SREBF2: variants seen among roughly 807,000 people sequenced by gnomAD.
SREBF2 encodes sterol regulatory element binding transcription factor 2, also known as sterol regulatory element-binding protein 2.
Under a neutral mutation model 113.1 loss-of-function variants are expected in SREBF2, and 55 were observed. The ratio of observed to expected loss-of-function variants is 0.49; its 90% CI spans 0.39 to 0.61. The LOEUF (loss-of-function observed/expected upper bound fraction) is 0.61. Ranked by LOEUF, SREBF2 falls within the 20% of genes least tolerant of loss-of-function variation. SREBF2 has a pLI of 0.00. For synonymous variants in SREBF2, 593 were observed against 605.7 expected (o/e 0.98, Z 0.31); for missense variants, 1,349 against 1,487.4 (o/e 0.91, Z 1.53).
intron 11 of SREBF2, among the ~76,000 whole-genome samples, chr22:41,890,389 T>C (rs1477794579): frequency 6.6e-6 from 1 of 152,212 alleles, no homozygotes; most frequent in Non-Finnish European, 1.5e-5. Flanking sequence ...TCCTCGAAAG[T>C]TTAAAATAGC....
chr22:41,892,518 C>G (rs1325693868), intron 11 of SREBF2, among the ~76,000 whole-genome samples: 3 of 151,588 alleles, frequency 2.0e-5, no homozygotes, highest in Non-Finnish European at 4.4e-5. Flanking sequence ...CATGGTGGCG[C>G]GCGCCTGTAG....
intron 1 of SREBF2, among the ~76,000 whole-genome samples, chr22:41,865,768 G>C (rs1272433925): frequency 1.3e-5 from 2 of 152,172 alleles, no homozygotes; most frequent in African/African-American, 4.8e-5. Context: ...CTGTGTCCTG[G>C]CCTGGCAACA....
intron 1 of SREBF2, among the ~76,000 whole-genome samples, chr22:41,866,617 C>T (rs2077078508): frequency 6.6e-6 from 1 of 152,150 alleles, no homozygotes; most frequent in African/African-American, 2.4e-5. Context: ...GGGAAAAGAA[C>T]ATCAAACAGA....
intron 11 of SREBF2, among the ~76,000 whole-genome samples, chr22:41,888,087 C>T (rs1183652499): frequency 6.6e-6 from 1 of 152,220 alleles, no homozygotes; most frequent in African/African-American, 2.4e-5. Flanking sequence ...CACTCTGGGG[C>T]TTGCCTGTTC....
intron 1 of SREBF2, among the ~76,000 whole-genome samples, chr22:41,837,933 C>CT (rs1214423808): frequency 1.3e-5 from 2 of 151,398 alleles, no homozygotes; most frequent in Admixed American, 1.3e-4. Context: ...AAAAAAAGTA[C>CT]TATAGGCACC....
intron 7 of SREBF2, among the ~76,000 whole-genome samples, chr22:41,876,855 C>T (rs1169282533): frequency 1.3e-5 from 2 of 152,236 alleles, no homozygotes; most frequent in Non-Finnish European, 2.9e-5. Context: ...CCACACCCCT[C>T]TCCAGCCTCA....
intron 1 of SREBF2, among the ~76,000 whole-genome samples, chr22:41,843,053 T>G (rs567212768): frequency 6.6e-6 from 1 of 152,238 alleles, no homozygotes; most frequent in South Asian, 2.1e-4. Flanking sequence ...GTAAGTATAC[T>G]CTGTGATGTT....
At chr22:41,883,445 C>T (rs140085315) in intron 10 of SREBF2, among the ~76,000 whole-genome samples, 9 of 152,222 alleles carry the variant, frequency 5.9e-5, no homozygotes, top group Non-Finnish European at 8.8e-5. Flanking sequence ...AAATTTGCCC[C>T]GCTGTTATCT....
At chr22:41,863,372 C>T (rs538035345) in intron 1 of SREBF2, among the ~76,000 whole-genome samples, 2 of 152,334 alleles carry the variant, frequency 1.3e-5, no homozygotes, top group South Asian at 2.1e-4. Context: ...TGGAAACTGT[C>T]GGCCAGTGTG....
intron 5 of SREBF2, among the ~76,000 whole-genome samples, chr22:41,874,704 A>C (rs2077177462): frequency 6.6e-6 from 1 of 152,120 alleles, no homozygotes; most frequent in Non-Finnish European, 1.5e-5. Flanking sequence ...CCAGGAGTTC[A>C]AGACCAGCCT....
Position 41,858,410 on chromosome 22 carries a change from A to G in SREBF2, c.89-8421A>G, listed in dbSNP as rs139030182. Among the ~76,000 whole-genome samples the G allele has an allele frequency of 3.8e-3, 585 of 152,316 alleles. 2 individuals carry two copies. Among genetic ancestry groups the G allele is most frequent in the Non-Finnish European group, 5.6e-3 (381 of 68,030 alleles). ...AAAATGGTGTATAGTCAGTTCTGCT[A>G]TAGTTCATCATGTGCATTTCTAAAA... On this transcript the variant is annotated intron_variant, in intron 1 of 18. Coordinates refer to ENST00000361204, the MANE Select transcript of SREBF2 (RefSeq NM_004599.4).
intron 3 of SREBF2, among the ~76,000 whole-genome samples, chr22:41,869,671 G>T (rs1057457015): frequency 8.0e-5 from 12 of 149,870 alleles, no homozygotes; most frequent in Middle Eastern, 3.6e-3. Flanking sequence ...TTTTAGTAGA[G>T]ATGGGGTTTC....
Position 41,861,584 on chromosome 22 carries a change from A to C in SREBF2, c.89-5247A>C, listed in dbSNP as rs1196180234. On this transcript the variant is annotated intron_variant, in intron 1 of 18. Transcript: ENST00000361204. ...TGTTCTTTTCATTTATATGCTTTCT[A>C]AATTTTTCTTTAGTGAATATATTAC... 1.3e-5 allele frequency among the ~76,000 whole-genome samples: 2 copies of C among 152,124 alleles called. 1 individual carries two copies. Among genetic ancestry groups the C allele is most frequent in the African/African-American group, 4.8e-5 (2 of 41,518 alleles).
chr22:41,902,036 G>A (rs1033565650), intron 16 of SREBF2, among the ~76,000 whole-genome samples: 16 of 152,216 alleles, frequency 1.1e-4, no homozygotes, highest in African/African-American at 3.9e-4. Context: ...TCCCCTTGAA[G>A]CACACAACAG....
intron 1 of SREBF2, among the ~76,000 whole-genome samples, chr22:41,852,589 A>C (rs2076941464): frequency 6.6e-6 from 1 of 152,054 alleles, no homozygotes; most frequent in Non-Finnish European, 1.5e-5. Context: ...CCTGTTTCCC[A>C]GTTTTGGTCA....
rs992598912 is a variant in SREBF2, at chr22:41,891,518, A to G, written c.2209-1599A>G. 78 of 152,098 alleles carry G rather than the reference A, an allele frequency of 5.1e-4. 1 individual carries two copies. Among genetic ancestry groups the G allele is most frequent in the Admixed American group, 5.0e-3 (77 of 15,264 alleles). The allele number at this position is 152,098 out of a possible 1,614,324, so 9.4% of individuals were successfully genotyped here. ...GTCTCCAGGTTCCCCCTGGAGAGAG[A>G]TAGTCTTCTCTGTCTGTGTCCTCGA... On this transcript the variant is annotated intron_variant, in intron 11 of 18. Transcript: ENST00000361204.
chr22:41,848,904 C>A (rs929679198), intron 1 of SREBF2, among the ~76,000 whole-genome samples: 5 of 151,818 alleles, frequency 3.3e-5, no homozygotes, highest in Non-Finnish European at 7.4e-5. Context: ...GAAATGGCTA[C>A]CTCACAGGGT....
intron 1 of SREBF2, among the ~76,000 whole-genome samples, chr22:41,849,380 G>A (rs2076906375): frequency 6.6e-6 from 1 of 152,018 alleles, no homozygotes; most frequent in South Asian, 2.1e-4. Flanking sequence ...TTAGAGAAAT[G>A]GGGTTTCACC....
At chr22:41,884,808 C>A (rs1245194085) in intron 10 of SREBF2, 34 bp from the exon 11 acceptor site, 5 of 1,613,758 alleles carry the variant, frequency 3.1e-6, no homozygotes, top group Non-Finnish European at 4.2e-6. Context: ...TTTGGGGCTC[C>A]ATCAACAATA....
Sources: gnomAD v4.1 joint callset for allele counts (sites outside exome capture counted in the v4.1 genomes callset) on GRCh38, gnomAD v4.1.1 for gene constraint, MANE v1.5 for transcripts, NCBI Gene and HGNC (gene_info 2026-07-23, HGNC 2026-07-21) for gene names.